PRPF8: variants seen among roughly 807,000 people sequenced by gnomAD.
The protein encoded by PRPF8 is pre-mRNA-processing-splicing factor 8.
PRPF8 carries 64 observed loss-of-function variants against 285.9 expected under a neutral mutation model. That is an observed-to-expected ratio of 0.22 (90% confidence interval 0.18 to 0.28). The LOEUF (loss-of-function observed/expected upper bound fraction) is 0.28. Among genes scored for constraint, PRPF8 ranks in the 10% least tolerant of loss-of-function variants. The probability of loss-of-function intolerance (pLI) is 1.00; values close to 1 mark genes in which losing one functional copy is unlikely to be tolerated. For missense variants in PRPF8, 1,426 were observed against 3,026.7 expected (o/e 0.47, Z 12.41); for synonymous variants, 1,325 against 1,118.2 (o/e 1.18, Z -3.69).
chr17:1,650,985 A>G, intron 42 of PRPF8, 29 bp from the exon 43 acceptor site: 1 of 1,614,206 alleles, frequency 6.2e-7, no homozygotes, highest in Non-Finnish European at 8.5e-7. Context: ...AGCCAATGTT[A>G]ACAGGGCTCC....
chr17:1,660,336 C>A, intron 30 of PRPF8, 96 bp downstream of exon 30: 4 of 1,597,002 alleles, frequency 2.5e-6, no homozygotes, highest in Non-Finnish European at 3.4e-6. Flanking sequence ...CCTCTCCCCT[C>A]GATTCCACCT....
intron 24 of PRPF8, among the ~76,000 whole-genome samples, chr17:1,669,460 A>G (rs1243457996): frequency 1.3e-5 from 2 of 152,118 alleles, no homozygotes; most frequent in South Asian, 2.1e-4. Flanking sequence ...TAATTAAAAC[A>G]CGCTCAAGTC....
Position 1,659,473 on chromosome 17 carries a change from G to A in PRPF8, c.5022C>T (p.His1674=), listed in dbSNP as rs185936129. The change falls in exon 32 of 43, where the codon CAC becomes CAT. Residue 1674 remains histidine (H), a synonymous_variant. Transcript: ENST00000304992. This position sits in a 1 kb window ranked among gnomAD's most constrained non-coding sequence, Gnocchi z 5.1. ...TGGCCCGGGCGTAGCGCTCAATGTC[G>A]TGGGAATCATAGTCCCCCCAGCGCA... is the stretch of plus-strand genomic sequence containing the variant. ...IQLRWGDYDS[H]DIERYARAKF... is the part of the protein sequence containing the mutation. 108 of 1,614,162 alleles carry A rather than the reference G, an allele frequency of 6.7e-5. No homozygotes were observed. The highest frequency in any genetic ancestry group is 4.3e-4 in the Admixed American group (26 of 60,014).
rs576781896 is a variant in PRPF8, at chr17:1,665,841, A to C, written c.3775-3688T>G. ...AGCCTGGGTGAGAGAGTGAGACTCC[A>C]TCTCAAAAAAAAAAAAAAAGAAAAA... On this transcript the variant is annotated intron_variant, in intron 24 of 42. Coordinates refer to ENST00000304992, the MANE Select transcript of PRPF8 (RefSeq NM_006445.4). Among the ~76,000 whole-genome samples the C allele has an allele frequency of 1.1e-4, 14 of 130,716 alleles. No individual in the cohort carries two copies. In the East Asian group the frequency reaches 3.0e-3, roughly 28 times the overall value. The allele number at this position is 130,716 out of a possible 152,430, so 85.8% of individuals were successfully genotyped here. A position where few individuals can be genotyped will look rare whatever the true frequency, so the allele number is the denominator to read the frequency against.
At position 1,654,206 on chromosome 17, in the gene PRPF8, G is replaced by A. The variant is rs912319046; in HGVS notation, c.5988-190C>T. The A allele has an allele frequency of 2.1e-4, 167 of 804,564 alleles. 1 individual carries two copies. In the African/African-American group the frequency reaches 2.1e-3, roughly 10 times the overall value. The allele number at this position is 804,564 out of a possible 1,614,324, so 49.8% of individuals were successfully genotyped here. A position where few individuals can be genotyped will look rare whatever the true frequency, so the allele number is the denominator to read the frequency against. ...CTTCCAAGATTCGTCAGATCCAAGC[G>A]GGACAGCACACTGCGTGTGCACCTT... On this transcript the variant is annotated intron_variant, in intron 37 of 42. Coordinates refer to ENST00000304992, the MANE Select transcript of PRPF8 (RefSeq NM_006445.4).
Position 1,682,084 on chromosome 17 carries a change from AACCACCACCACC to A in PRPF8, c.434+33_434+44del, listed in dbSNP as rs200119630. The A allele has an allele frequency of 9.3e-6, 15 of 1,610,242 alleles. No individual in the cohort carries two copies. In the East Asian group the frequency reaches 3.3e-4, roughly 36 times the overall value. On this transcript the variant is annotated intron_variant, in intron 4 of 42. Coordinates refer to ENST00000304992, the MANE Select transcript of PRPF8 (RefSeq NM_006445.4). ...CAACCATTTCTACCCACTGCCTCCC[AACCACCACCACC>A]ACCACCACCCACCATATTTCAGCCT... is the stretch of plus-strand genomic sequence containing the variant.
At position 1,678,997 on chromosome 17, in the gene PRPF8, C is replaced by G; in HGVS notation, c.1599+20G>C. ...TCCGTCCTTGAAGCCCAGGAGGCCC[C>G]TAGGGTCCAATGCAGGCACCTTGGT... On this transcript the variant is annotated intron_variant, in intron 11 of 42. Coordinates refer to ENST00000304992, the MANE Select transcript of PRPF8 (RefSeq NM_006445.4). 2 of 1,613,920 alleles carry G rather than the reference C, an allele frequency of 1.2e-6. No homozygotes were observed. Among genetic ancestry groups the G allele is most frequent in the Admixed American group, 1.7e-5 (1 of 60,020 alleles).
At chr17:1,682,719 A>T (rs1486559816) in intron 3 of PRPF8, among the ~76,000 whole-genome samples, 1 of 152,224 alleles carries the variant, frequency 6.6e-6, no homozygotes, top group African/African-American at 2.4e-5. Context: ...TATCCCCAGC[A>T]GCCAGCACAG....
At chr17:1,678,306 CTCAGTT>C (rs2151129255) in intron 13 of PRPF8, 1 of 581,036 alleles carries the variant, frequency 1.7e-6, no homozygotes, top group Non-Finnish European at 3.0e-6. Context: ...CAGAGAAAGA[CTCAGTT>C]TCAAAACAAA....
Position 1,684,496 on chromosome 17 carries a change from A to T in PRPF8, c.76T>A (p.Ser26Thr), listed in dbSNP as rs2151133732. 3 of 1,612,610 alleles carry T rather than the reference A, an allele frequency of 1.9e-6. No homozygotes were observed. Among genetic ancestry groups the T allele is most frequent in the Middle Eastern group, 1.7e-4 (1 of 6,058 alleles). ...CCTTTCTCCTGCAGCTTCTCCTCCGACATGTAGTCCGGTAGCGGGGCTAGA... is the reference window on the plus strand; with the variant it reads ...CCTTTCTCCTGCAGCTTCTCCTCCGTCATGTAGTCCGGTAGCGGGGCTAGA... ...GPLAPLPDYM[S>T]EEKLQEKARK... is the part of the protein sequence containing the mutation. Residue 26 changes from serine (S) to threonine (T), a missense_variant, in exon 2 of 43, where the codon TCG becomes ACG. By Grantham distance (58) the Ser-to-Thr change is moderately conservative (BLOSUM62 1). Coordinates refer to ENST00000304992, the MANE Select transcript of PRPF8 (RefSeq NM_006445.4).
At chr17:1,666,478 G>A (rs984162585) in intron 24 of PRPF8, among the ~76,000 whole-genome samples, 1 of 151,312 alleles carries the variant, frequency 6.6e-6, no homozygotes, top group Non-Finnish European at 1.5e-5. Context: ...CTGAGCCTGG[G>A]AGGCAGAGGT....
intron 14 of PRPF8, 157 bp from the exon 15 acceptor site, chr17:1,677,329 A>T: frequency 6.2e-6 from 6 of 965,496 alleles, no homozygotes; most frequent in Non-Finnish European, 8.0e-6. Flanking sequence ...GAGCTACCTT[A>T]AACATTCACA....
chr17:1,662,978 G>T (rs1911753632), intron 24 of PRPF8, among the ~76,000 whole-genome samples: 1 of 151,918 alleles, frequency 6.6e-6, no homozygotes, highest in Non-Finnish European at 1.5e-5. Context: ...AAAAGATAAA[G>T]GCTGTTCAAA....
At chr17:1,671,792 G>A (rs113076714) in intron 24 of PRPF8, among the ~76,000 whole-genome samples, 4 of 150,774 alleles carry the variant, frequency 2.7e-5, no homozygotes, top group South Asian at 4.2e-4. Context: ...CGGAGCTTGC[G>A]GTGAGCCAAG....
At chr17:1,660,096 C>G in intron 30 of PRPF8, 95 bp from the exon 31 acceptor site, 1 of 1,384,612 alleles carries the variant, frequency 7.2e-7, no homozygotes, top group African/African-American at 1.4e-5. Flanking sequence ...GGAGTCTCAT[C>G]CTCAGAGCTT....
intron 13 of PRPF8, 84 bp from the exon 14 acceptor site, chr17:1,677,778 A>G (rs896932863): frequency 1.3e-6 from 2 of 1,546,834 alleles, no homozygotes; most frequent in Non-Finnish European, 1.8e-6. Context: ...TGGGGCATAT[A>G]TGTATAATAT....
At chr17:1,668,115 T>C (rs913961814) in intron 24 of PRPF8, among the ~76,000 whole-genome samples, 4 of 152,248 alleles carry the variant, frequency 2.6e-5, no homozygotes, top group African/African-American at 9.6e-5. Context: ...TGGGCAATAT[T>C]CCCAAGATCC....
intron 24 of PRPF8, among the ~76,000 whole-genome samples, chr17:1,667,498 C>G (rs1912056643): frequency 7.2e-6 from 1 of 138,362 alleles, no homozygotes; most frequent in African/African-American, 3.0e-5. Flanking sequence ...CCTCTTATGT[C>G]TTCATAAAAA....
Position 1,673,730 on chromosome 17 carries a change from C to T in PRPF8, c.3446+16G>A. 12 of 1,613,862 alleles carry T rather than the reference C, an allele frequency of 7.4e-6. No homozygotes were observed. Among genetic ancestry groups the T allele is most frequent in the Non-Finnish European group, 1.0e-5 (12 of 1,180,040 alleles). Reference sequence around the variant, plus strand: ...CTTATGTCCTTCCAGCTCACACAGCCCCAACCTAGACTCACAAGTTAACAT... The same window carrying T: ...CTTATGTCCTTCCAGCTCACACAGCTCCAACCTAGACTCACAAGTTAACAT... On this transcript the variant is annotated intron_variant, in intron 22 of 42. Coordinates refer to ENST00000304992, the MANE Select transcript of PRPF8 (RefSeq NM_006445.4). This position sits in a 1 kb window ranked among gnomAD's most constrained non-coding sequence, Gnocchi z 5.5.
Sources: gnomAD v4.1 joint callset for allele counts (sites outside exome capture counted in the v4.1 genomes callset) on GRCh38, gnomAD v4.1.1 for gene constraint, Gnocchi (gnomAD v3.1) non-coding constraint, MANE v1.5 for transcripts, NCBI Gene and HGNC (gene_info 2026-07-23, HGNC 2026-07-21) for gene names.